The following BRD7 variants were observed in gnomAD, a reference collection of about 807,000 sequenced individuals.
BRD7 encodes the protein bromodomain containing 7.
BRD7 carries 15 observed loss-of-function variants against 82.1 expected under a neutral mutation model. That is an observed-to-expected ratio of 0.18 (90% CI 0.12 to 0.28). The LOEUF (loss-of-function observed/expected upper bound fraction) is 0.28, where lower values mean the gene tolerates loss of function less well. BRD7 is among the 10% of genes least tolerant of loss of function. The pLI is 1.00. For missense variants in BRD7, 638 were observed against 779.9 expected (o/e 0.82, Z 2.17); for synonymous variants, 232 against 266.9 (o/e 0.87, Z 1.27).
In BRD7 at chr16:50,316,929, A is replaced by G. The variant is rs1288754815; in HGVS notation, c.*2282T>C. On this transcript the variant is annotated 3_prime_UTR_variant, in exon 17 of 17. Transcript: ENST00000394688. ...CATGAACCCCGTAAAGTTCTACACA[A>G]AGTCTTGCATACAGGAGCCTTTACA... 3 of 152,674 alleles carry G rather than the reference A, an allele frequency of 2.0e-5. No homozygotes were observed. Among genetic ancestry groups the G allele is most frequent in the African/African-American group, 7.2e-5 (3 of 41,456 alleles). 9.5% of individuals were successfully genotyped at this position (152,674 alleles called of 1,614,324 possible). A position where few individuals can be genotyped will look rare whatever the true frequency, so the allele number is the denominator to read the frequency against.
chr16:50,323,455 C>CG, intron 12 of BRD7, 132 bp downstream of exon 12: 1 of 725,590 alleles, frequency 1.4e-6, no homozygotes, highest in South Asian at 1.8e-5. Flanking sequence ...GGCCTCCAGC[C>CG]GGGCTGGGCT....
At chr16:50,345,276 C>T (rs1255784594) in intron 5 of BRD7, among the ~76,000 whole-genome samples, 1 of 152,136 alleles carries the variant, frequency 6.6e-6, no homozygotes, top group African/African-American at 2.4e-5. Context: ...AAGCACTAAA[C>T]GTGGAAAGGA....
At chr16:50,325,418 C>G (rs2037294501) in intron 11 of BRD7, among the ~76,000 whole-genome samples, 1 of 152,194 alleles carries the variant, frequency 6.6e-6, no homozygotes, top group Admixed American at 6.5e-5. Context: ...CCATAACTCA[C>G]TGACACACAA....
At chr16:50,337,755 A>G (rs757882085) in intron 6 of BRD7, among the ~76,000 whole-genome samples, 1 of 152,160 alleles carries the variant, frequency 6.6e-6, no homozygotes, top group Admixed American at 6.5e-5. Context: ...TTAACTCAAA[A>G]GGTCTAAATT....
intron 5 of BRD7, among the ~76,000 whole-genome samples, chr16:50,341,642 C>CAA (rs5816690): frequency 0.19 from 20,007 of 105,876 alleles, 2,103 homozygotes; most frequent in Admixed American, 0.26. Context: ...GACTCGGTCT[C>CAA]AAAAAAAAAA....
chr16:50,326,267 C>A lies in BRD7; in HGVS notation c.1195+17G>T, dbSNP rs764463012. 5 of 1,602,630 alleles carry A rather than the reference C, an allele frequency of 3.1e-6. No homozygotes were observed. Among genetic ancestry groups the A allele is most frequent in the Non-Finnish European group, 4.3e-6 (5 of 1,170,774 alleles). On this transcript the variant is annotated intron_variant, in intron 10 of 16. Coordinates refer to ENST00000394688, the MANE Select transcript of BRD7 (RefSeq NM_013263.5). ...AAACAGAGAAGAGAAAAAATGACTC[C>A]TATGCAGGAGCCTCACCTGGAGTGA...
intron 6 of BRD7, among the ~76,000 whole-genome samples, chr16:50,335,652 A>G (rs1042666978): frequency 6.6e-6 from 1 of 152,230 alleles, no homozygotes; most frequent in Admixed American, 6.5e-5. Context: ...CTGCACAGCA[A>G]CAGCAGGGAA....
intron 12 of BRD7, among the ~76,000 whole-genome samples, chr16:50,322,780 T>TAA (rs200735598): frequency 2.6e-5 from 4 of 152,314 alleles, no homozygotes; most frequent in African/African-American, 9.6e-5. Context: ...GAGGATATGG[T>TAA]AAAAAAATAT....
intron 5 of BRD7, among the ~76,000 whole-genome samples, chr16:50,343,347 GGTGGCCGAAT>G (rs1388984942): frequency 6.6e-6 from 1 of 152,192 alleles, no homozygotes; most frequent in Non-Finnish European, 1.5e-5. Flanking sequence ...TAGGTTCCAA[GGTGGCCGAAT>G]AGGAACAGAT....
At chr16:50,367,431 C>T (rs2151218647) in intron 2 of BRD7, among the ~76,000 whole-genome samples, 1 of 152,280 alleles carries the variant, frequency 6.6e-6, no homozygotes, top group South Asian at 2.1e-4. Context: ...GCTATGTTGC[C>T]CAGGCTGGTC....
At chr16:50,326,456 C>A (rs1252530086) in intron 9 of BRD7, 65 bp from the exon 10 acceptor site, 3 of 1,131,902 alleles carry the variant, frequency 2.7e-6, no homozygotes, top group Non-Finnish European at 3.7e-6. Context: ...GGCCCTCTGC[C>A]GAGTGACTCC....
At chr16:50,329,373 A>G (rs2037464526) in intron 8 of BRD7, among the ~76,000 whole-genome samples, 2 of 152,142 alleles carry the variant, frequency 1.3e-5, no homozygotes, top group Admixed American at 1.3e-4. Flanking sequence ...TTTAAAACCA[A>G]CGTGACAGGG....
At chr16:50,346,195 G>A (rs1281384666) in intron 5 of BRD7, among the ~76,000 whole-genome samples, 1 of 152,196 alleles carries the variant, frequency 6.6e-6, no homozygotes, top group East Asian at 1.9e-4. Context: ...AATGAAGGCA[G>A]AAATAAAGAT....
chr16:50,333,428 T>G, intron 8 of BRD7, 146 bp downstream of exon 8: 1 of 1,004,324 alleles, frequency 1.0e-6, no homozygotes, highest in Non-Finnish European at 1.4e-6. Context: ...TGTCTGTCCA[T>G]TATTAATTGT....
rs1567588431 is a variant in BRD7, at chr16:50,316,089, T to C, written c.*3122A>G. 6.5e-6 allele frequency: 1 copy of C among 152,868 alleles called. No individual in the cohort carries two copies. The highest frequency in any genetic ancestry group is 1.5e-5 in the Non-Finnish European group (1 of 68,458). 9.5% of individuals were successfully genotyped at this position (152,868 alleles called of 1,614,324 possible). Reference sequence around the variant, plus strand: ...ATTAACACTGTTACTTTTTGCCTTGTCTGGCATGTTTGTTTTAAATGAATA... The same window carrying C: ...ATTAACACTGTTACTTTTTGCCTTGCCTGGCATGTTTGTTTTAAATGAATA... On this transcript the variant is annotated 3_prime_UTR_variant, in exon 17 of 17. Coordinates refer to ENST00000394688, the MANE Select transcript of BRD7 (RefSeq NM_013263.5).
chr16:50,346,515 G>T (rs1448300525), intron 5 of BRD7, among the ~76,000 whole-genome samples: 1 of 152,130 alleles, frequency 6.6e-6, no homozygotes, highest in Non-Finnish European at 1.5e-5. Flanking sequence ...AAAATTGATA[G>T]ACCACTAGCA....
At position 50,354,531 on chromosome 16, in the gene BRD7, G is replaced by A. The variant is rs948152994; in HGVS notation, c.389-49C>T. 2.7e-6 allele frequency: 4 copies of A among 1,479,378 alleles called. No individual in the cohort carries two copies. In the Admixed American group the frequency reaches 7.3e-5, roughly 27 times the overall value. The allele number at this position is 1,479,378 out of a possible 1,614,324, so 91.6% of individuals were successfully genotyped here. On this transcript the variant is annotated intron_variant, in intron 3 of 16. Coordinates refer to ENST00000394688, the MANE Select transcript of BRD7 (RefSeq NM_013263.5). The stretch of plus-strand genomic sequence containing the variant: ...GGGTATTTTAAAAAGGAGTATTCTA[G>A]AGAGTATTATTTACTAGATCATTTT...
In BRD7 at chr16:50,339,963, G is replaced by C; in HGVS notation, c.702+13C>G. 4 of 1,477,060 alleles carry C rather than the reference G, an allele frequency of 2.7e-6. No homozygotes were observed. Among genetic ancestry groups the C allele is most frequent in the Non-Finnish European group, 2.8e-6 (3 of 1,073,592 alleles). 91.5% of individuals were successfully genotyped at this position (1,477,060 alleles called of 1,614,324 possible). ...TTTAATAACTATTATTTATGACAAA[G>C]AGTTTCCTTTACCTGGCTAAGAATT... On this transcript the variant is annotated intron_variant, in intron 6 of 16. Coordinates refer to ENST00000394688, the MANE Select transcript of BRD7 (RefSeq NM_013263.5).
chr16:50,343,810 G>A lies in BRD7; in HGVS notation c.592-3724C>T, dbSNP rs546138528. On this transcript the variant is annotated intron_variant, in intron 5 of 16. Transcript: ENST00000394688. The stretch of plus-strand genomic sequence containing the variant: ...GGTAAACAAAGCCACCGGGAAGCTC[G>A]AACTGGGTGGAGCCTACCTCTGGGG... Among the ~76,000 whole-genome samples, 11 of 152,268 alleles carry A rather than the reference G, an allele frequency of 7.2e-5. No homozygotes were observed. The East Asian group carries it at 1.7e-3, about 24-fold the overall frequency.
Sources: gnomAD v4.1 joint callset for allele counts (sites outside exome capture counted in the v4.1 genomes callset) on GRCh38, gnomAD v4.1.1 for gene constraint, MANE v1.5 for transcripts, NCBI Gene and HGNC (gene_info 2026-07-23, HGNC 2026-07-21) for gene names.